Variants in PJA2 observed in about 807,000 individuals in gnomAD.
PJA2 encodes the protein E3 ubiquitin-protein ligase Praja-2.
A neutral mutation model predicts 69.3 loss-of-function variants in PJA2; 25 were observed. The ratio of observed to expected loss-of-function variants is 0.36; its 90% CI spans 0.26 to 0.50. The LOEUF (loss-of-function observed/expected upper bound fraction) is 0.50, where lower values mean the gene tolerates loss of function less well. Ranked by LOEUF, PJA2 falls within the 20% of genes least tolerant of loss-of-function variation. The pLI is 0.96. For missense variants in PJA2, 809 were observed against 830.2 expected, an observed-to-expected ratio of 0.97 and a Z score of 0.31; for synonymous variants, 308 against 277.8, an observed-to-expected ratio of 1.11 and a Z score of -1.08.
intron 7 of PJA2, among the ~76,000 whole-genome samples, chr5:109,354,181 A>C (rs1467468525): frequency 1.4e-5 from 2 of 144,738 alleles, no homozygotes; most frequent in Non-Finnish European, 3.0e-5. Flanking sequence ...TCTATAGATT[A>C]GATATCTATG....
chr5:109,403,842 C>T (rs951796975), intron 1 of PJA2, among the ~76,000 whole-genome samples: 2 of 151,698 alleles, frequency 1.3e-5, no homozygotes, highest in East Asian at 1.9e-4. Flanking sequence ...GGGGCCAAGG[C>T]GGGCAGATCA....
In PJA2 at chr5:109,378,378, T is replaced by A. The variant is rs1378713657; in HGVS notation, c.1109A>T (p.Glu370Val). 2 of 1,614,038 alleles carry A rather than the reference T, an allele frequency of 1.2e-6. No homozygotes were observed. The highest frequency in any genetic ancestry group is 1.7e-6 in the Non-Finnish European group (2 of 1,180,010). The change falls in exon 4 of 10, where the codon GAG (glutamate) becomes GTG (valine). Residue 370 changes from glutamate to valine, a missense_variant. By Grantham distance (121) the Glu-to-Val change is moderately radical. Transcript: ENST00000361189. ...LLIKCEEYDG[E>V]HDCMFLDPPY... Reference sequence around the variant, plus strand: ...TGGATCCAAGAACATACAGTCATGCTCTCCATCATATTCTTCACATTTTAT... The same window carrying A: ...TGGATCCAAGAACATACAGTCATGCACTCCATCATATTCTTCACATTTTAT...
chr5:109,384,185 C>T lies in PJA2; in HGVS notation c.-87-665G>A, dbSNP rs74581939. Among the ~76,000 whole-genome samples, 1,151 of 152,270 alleles carry T rather than the reference C, an allele frequency of 7.6e-3. 12 individuals are homozygous for T. Among genetic ancestry groups the T allele is most frequent in the African/African-American group, 0.026 (1,077 of 41,554 alleles). On this transcript the variant is annotated intron_variant, in intron 1 of 9. Transcript: ENST00000361189. Reference sequence around the variant, plus strand: ...AGTCTACTACACTGTGCTATCATTGCTTCTCTGTCAAGCAGTAAAGTTCCT... The same window carrying T: ...AGTCTACTACACTGTGCTATCATTGTTTCTCTGTCAAGCAGTAAAGTTCCT...
chr5:109,397,691 G>T (rs1216541402), intron 1 of PJA2, among the ~76,000 whole-genome samples: 1 of 148,220 alleles, frequency 6.7e-6, no homozygotes, highest in East Asian at 2.0e-4. Flanking sequence ...GATATTTTTT[G>T]TTTTTTTTTT....
At chr5:109,345,682 T>C (rs1354671227) in intron 7 of PJA2, among the ~76,000 whole-genome samples, 1 of 152,168 alleles carries the variant, frequency 6.6e-6, no homozygotes, top group African/African-American at 2.4e-5. Context: ...AAAGATAAAA[T>C]GTGGCTGAGG....
chr5:109,354,311 T>C (rs954668138), intron 7 of PJA2, among the ~76,000 whole-genome samples: 743 of 140,144 alleles, frequency 5.3e-3, no homozygotes, highest in African/African-American at 0.02. Flanking sequence ...GAGATATCTA[T>C]AGATTAGATA....
intron 1 of PJA2, among the ~76,000 whole-genome samples, chr5:109,408,943 T>C (rs937460407): frequency 2.0e-5 from 3 of 152,108 alleles, no homozygotes; most frequent in South Asian, 2.1e-4. Flanking sequence ...AAGCCTGCAA[T>C]GAAAATTTTA....
chr5:109,393,377 A>G (rs1747323550), intron 1 of PJA2, among the ~76,000 whole-genome samples: 1 of 152,260 alleles, frequency 6.6e-6, no homozygotes, highest in Admixed American at 6.5e-5. Flanking sequence ...TTCATATTAC[A>G]GCTGTAAATA....
At chr5:109,349,855 T>A (rs1055342522) in intron 7 of PJA2, among the ~76,000 whole-genome samples, 2 of 152,210 alleles carry the variant, frequency 1.3e-5, no homozygotes, top group Admixed American at 6.5e-5. Flanking sequence ...GAATTCCTTA[T>A]ATTGAACTTT....
intron 1 of PJA2, among the ~76,000 whole-genome samples, chr5:109,387,426 A>G (rs866355733): frequency 3.9e-5 from 6 of 152,186 alleles, no homozygotes; most frequent in South Asian, 2.1e-4. Flanking sequence ...CCAAATTTGT[A>G]GCTAAGGTAA....
At chr5:109,380,550 G>A (rs555449242) in intron 3 of PJA2, among the ~76,000 whole-genome samples, 44 of 152,292 alleles carry the variant, frequency 2.9e-4, no homozygotes, top group African/African-American at 9.4e-4. Context: ...GCCCATGTCT[G>A]TAATCCCAGC....
At position 109,381,846 on chromosome 5, in the gene PJA2, TAA is replaced by T. The variant is rs900864967; in HGVS notation, c.32-145_32-144del. The T allele has an allele frequency of 4.6e-6, 3 of 655,296 alleles. No homozygotes were observed. In the African/African-American group the frequency reaches 5.5e-5, roughly 12 times the overall value. 40.6% of individuals were successfully genotyped at this position (655,296 alleles called of 1,614,324 possible). A position where few individuals can be genotyped will look rare whatever the true frequency, so the allele number is the denominator to read the frequency against. ...CATGAAGTGTACCTTACTAGTACTA[TAA>T]AACATTATTCTTCACACACTAGAAA... On this transcript the variant is annotated intron_variant, in intron 2 of 9. Coordinates refer to ENST00000361189, the MANE Select transcript of PJA2 (RefSeq NM_014819.5).
intron 3 of PJA2, among the ~76,000 whole-genome samples, chr5:109,380,849 C>T (rs181211576): frequency 1.9e-4 from 28 of 150,414 alleles, no homozygotes; most frequent in Admixed American, 1.8e-3. Flanking sequence ...TGACTCACAC[C>T]TGTAATCCCA....
At chr5:109,342,632 G>A (rs1158152117) in intron 9 of PJA2, among the ~76,000 whole-genome samples, 4 of 97,398 alleles carry the variant, frequency 4.1e-5, no homozygotes, top group Non-Finnish European at 6.3e-5. Context: ...CCGGCCAGCC[G>A]CCCCGTCCGG....
chr5:109,341,368 C>T (rs1296676908), intron 9 of PJA2, among the ~76,000 whole-genome samples: 5 of 149,140 alleles, frequency 3.4e-5, no homozygotes, highest in Non-Finnish European at 6.0e-5. Context: ...TCTGCCCGGC[C>T]GCCCCGTCTG....
chr5:109,384,464 C>G (rs1747116698), intron 1 of PJA2, among the ~76,000 whole-genome samples: 1 of 152,104 alleles, frequency 6.6e-6, no homozygotes, highest in Non-Finnish European at 1.5e-5. Flanking sequence ...TTGAAAAGTA[C>G]TATTTGAGAA....
At chr5:109,395,447 A>T (rs1451499918) in intron 1 of PJA2, among the ~76,000 whole-genome samples, 1 of 152,104 alleles carries the variant, frequency 6.6e-6, no homozygotes, top group African/African-American at 2.4e-5. Context: ...AGGTCACGTG[A>T]GCCTGGGAGA....
At chr5:109,398,828 A>C (rs891365403) in intron 1 of PJA2, among the ~76,000 whole-genome samples, 1 of 152,164 alleles carries the variant, frequency 6.6e-6, no homozygotes, top group Non-Finnish European at 1.5e-5. Flanking sequence ...CAGAGTCAGG[A>C]AACAGTTTAT....
chr5:109,383,379 T>G, intron 2 of PJA2, 24 bp downstream of exon 2: 2 of 1,611,120 alleles, frequency 1.2e-6, no homozygotes, highest in Non-Finnish European at 1.7e-6. Flanking sequence ...AAGTACTCAA[T>G]GTAGAAGAAC....
Sources: gnomAD v4.1 joint callset for allele counts (sites outside exome capture counted in the v4.1 genomes callset) on GRCh38, gnomAD v4.1.1 for gene constraint, MANE v1.5 for transcripts, NCBI Gene and HGNC (gene_info 2026-07-23, HGNC 2026-07-21) for gene names.